Variants in CNTNAP2 observed in about 807,000 individuals in gnomAD.
The protein encoded by CNTNAP2 is contactin-associated protein-like 2.
CNTNAP2 carries 98 observed loss-of-function variants against 155.2 expected under a neutral mutation model. The ratio of observed to expected loss-of-function variants is 0.63; its 90% CI spans 0.54 to 0.75. The LOEUF is 0.75. CNTNAP2 is among the 30% of genes least tolerant of loss of function. The pLI, the probability that CNTNAP2 is intolerant of heterozygous loss-of-function variation, is 0.00. For missense variants in CNTNAP2, 1,727 were observed against 1,688.1 expected (o/e 1.02, Z -0.40); for synonymous variants, 651 against 631.2 (o/e 1.03, Z -0.47).
At chr7:146,712,833 T>G (rs1455825713) in intron 1 of CNTNAP2, among the ~76,000 whole-genome samples, 2 of 152,078 alleles carry the variant, frequency 1.3e-5, no homozygotes, top group Non-Finnish European at 2.9e-5. Flanking sequence ...GTATTTGCCA[T>G]GAATGACTTC....
chr7:146,830,690 T>C (rs1447569577), intron 2 of CNTNAP2, among the ~76,000 whole-genome samples: 1 of 152,218 alleles, frequency 6.6e-6, no homozygotes, highest in Non-Finnish European at 1.5e-5. Context: ...TAAAACAAAC[T>C]GTACTGGTAT....
intron 1 of CNTNAP2, among the ~76,000 whole-genome samples, chr7:146,118,204 A>G (rs763197383): frequency 3.9e-5 from 6 of 152,274 alleles, no homozygotes; most frequent in East Asian, 1.9e-4. Flanking sequence ...CTGTTTTGAC[A>G]TATCTTCCTA....
intron 1 of CNTNAP2, among the ~76,000 whole-genome samples, chr7:146,139,593 G>C (rs953380537): frequency 6.6e-6 from 1 of 152,000 alleles, no homozygotes; most frequent in South Asian, 2.1e-4. Context: ...TGATTAATTT[G>C]CTTCAAGATT....
chr7:148,296,266 C>T (rs1217822640), intron 21 of CNTNAP2, among the ~76,000 whole-genome samples: 2 of 152,022 alleles, frequency 1.3e-5, no homozygotes, highest in Non-Finnish European at 2.9e-5. Context: ...GTGAAATTGG[C>T]TAGGCATGGT....
In CNTNAP2 at chr7:146,459,867, G is replaced by A. The variant is rs189789522; in HGVS notation, c.98-314404G>A. 2.4e-3 allele frequency among the ~76,000 whole-genome samples: 360 copies of A among 152,286 alleles called. 1 individual carries two copies. The highest frequency in any genetic ancestry group is 6.8e-3 in the Middle Eastern group (2 of 294). ...TGCCTGTAGTCCCAGCTACTTGGGA[G>A]GCTGAGGCATGAGAATTGCTTGAAC... On this transcript the variant is annotated intron_variant, in intron 1 of 23. Coordinates refer to ENST00000361727, the MANE Select transcript of CNTNAP2 (RefSeq NM_014141.6).
intron 1 of CNTNAP2, among the ~76,000 whole-genome samples, chr7:146,180,224 A>G (rs1272295226): frequency 2.0e-5 from 3 of 152,184 alleles, no homozygotes; most frequent in Non-Finnish European, 4.4e-5. Context: ...TAGCCTAGCA[A>G]TTCTGCCTTC....
intron 12 of CNTNAP2, among the ~76,000 whole-genome samples, chr7:147,610,090 T>C (rs528886408): frequency 9.2e-5 from 14 of 152,306 alleles, no homozygotes; most frequent in Middle Eastern, 3.4e-3. Flanking sequence ...GTTGCCTTTA[T>C]AAAAACTTTA....
intron 16 of CNTNAP2, 116 bp from the exon 17 acceptor site, chr7:148,147,375 A>T: frequency 1.0e-6 from 1 of 979,108 alleles, no homozygotes; most frequent in Non-Finnish European, 1.6e-6. Flanking sequence ...CCTTTGTAGG[A>T]CGTGACAGGC....
intron 11 of CNTNAP2, among the ~76,000 whole-genome samples, chr7:147,497,538 A>G (rs1173788890): frequency 1.3e-5 from 2 of 152,170 alleles, no homozygotes; most frequent in African/African-American, 4.8e-5. Flanking sequence ...ATCCAACTAC[A>G]CTGGATAAAG....
At chr7:147,637,045 A>G (rs530277962) in intron 12 of CNTNAP2, among the ~76,000 whole-genome samples, 1 of 152,240 alleles carries the variant, frequency 6.6e-6, no homozygotes, top group South Asian at 2.1e-4. Context: ...CAAAGGAGCA[A>G]GGAGGGAGGA....
intron 15 of CNTNAP2, among the ~76,000 whole-genome samples, chr7:148,045,735 C>T (rs1488285255): frequency 3.3e-5 from 5 of 152,112 alleles, no homozygotes; most frequent in South Asian, 2.1e-4. Context: ...ACAGGGACTG[C>T]GAAGAATGGG....
chr7:147,520,871 G>T (rs1436429167), intron 11 of CNTNAP2, among the ~76,000 whole-genome samples: 1 of 152,134 alleles, frequency 6.6e-6, no homozygotes, highest in East Asian at 1.9e-4. Flanking sequence ...CCTGTCCTCT[G>T]TCAGTCAGTC....
At chr7:147,638,247 C>T (rs951378139) in intron 12 of CNTNAP2, among the ~76,000 whole-genome samples, 9 of 152,150 alleles carry the variant, frequency 5.9e-5, no homozygotes, top group African/African-American at 2.2e-4. Context: ...TCATCTTGCA[C>T]ATTTCCAGCC....
At chr7:146,268,527 A>C (rs934104646) in intron 1 of CNTNAP2, among the ~76,000 whole-genome samples, 4 of 152,160 alleles carry the variant, frequency 2.6e-5, no homozygotes, top group Admixed American at 2.0e-4. Flanking sequence ...CTGGCTGAAT[A>C]ACCATCCATC....
intron 13 of CNTNAP2, among the ~76,000 whole-genome samples, chr7:147,852,484 A>G (rs961364505): frequency 6.6e-6 from 1 of 152,322 alleles, no homozygotes; most frequent in South Asian, 2.1e-4. Flanking sequence ...ACTCTTGACA[A>G]AATTTCAGAT....
At chr7:146,971,861 G>C (rs1416216326) in intron 3 of CNTNAP2, among the ~76,000 whole-genome samples, 1 of 152,110 alleles carries the variant, frequency 6.6e-6, no homozygotes, top group Non-Finnish European at 1.5e-5. Flanking sequence ...TTTGCATTCA[G>C]ACCATAATAA....
chr7:148,098,954 T>G (rs900362226), intron 15 of CNTNAP2, among the ~76,000 whole-genome samples: 1 of 152,154 alleles, frequency 6.6e-6, no homozygotes, highest in Non-Finnish European at 1.5e-5. Context: ...CGCATCAACA[T>G]CCAGTGTTTA....
chr7:147,718,845 CTTG>C (rs760061351), intron 13 of CNTNAP2, among the ~76,000 whole-genome samples: 3 of 152,148 alleles, frequency 2.0e-5, no homozygotes, highest in Non-Finnish European at 2.9e-5. Flanking sequence ...TACACATATG[CTTG>C]TTAACACATG....
At chr7:146,203,529 C>T (rs1798899882) in intron 1 of CNTNAP2, among the ~76,000 whole-genome samples, 1 of 152,148 alleles carries the variant, frequency 6.6e-6, no homozygotes, top group Non-Finnish European at 1.5e-5. Context: ...CAGAAGCCCC[C>T]AAGTGTTCGA....
Sources: gnomAD v4.1 joint callset for allele counts (sites outside exome capture counted in the v4.1 genomes callset) on GRCh38, gnomAD v4.1.1 for gene constraint, MANE v1.5 for transcripts, NCBI Gene and HGNC (gene_info 2026-07-23, HGNC 2026-07-21) for gene names.